MDGA2: variants seen among roughly 807,000 people sequenced by gnomAD.
MDGA2 encodes MAM domain containing glycosylphosphatidylinositol anchor 2, also known as MAM domain-containing glycosylphosphatidylinositol anchor protein 2.
A neutral mutation model predicts 117.8 loss-of-function variants in MDGA2; 40 were observed. The ratio of observed to expected loss-of-function variants is 0.34; its 90% CI spans 0.26 to 0.44. The LOEUF (loss-of-function observed/expected upper bound fraction) is 0.44, where lower values mean the gene tolerates loss of function less well. Among genes scored for constraint, MDGA2 ranks in the 20% least tolerant of loss-of-function variants. The pLI is 1.00. For missense variants in MDGA2, 1,123 were observed against 1,250.6 expected (o/e 0.90, Z 1.54); for synonymous variants, 452 against 439.0 (o/e 1.03, Z -0.37).
intron 1 of MDGA2, among the ~76,000 whole-genome samples, chr14:47,436,810 G>C (rs577136104): frequency 6.6e-6 from 1 of 152,228 alleles, no homozygotes; most frequent in Admixed American, 6.5e-5. Context: ...TTGCAATCTA[G>C]CCAGTTCATT....
intron 10 of MDGA2, among the ~76,000 whole-genome samples, chr14:46,908,414 GAT>G (rs1883578858): frequency 1.3e-5 from 2 of 152,212 alleles, no homozygotes; most frequent in African/African-American, 4.8e-5. Flanking sequence ...TGATTATTGA[GAT>G]AGAAAATTTA....
At chr14:47,673,050 CG>C (rs1422676516) in intron 1 of MDGA2, among the ~76,000 whole-genome samples, 4 of 151,876 alleles carry the variant, frequency 2.6e-5, no homozygotes. Flanking sequence ...TCCTTAGAGT[CG>C]GGAGAAAGTG....
chr14:47,601,665 A>C (rs1317046060), intron 1 of MDGA2, among the ~76,000 whole-genome samples: 2 of 152,162 alleles, frequency 1.3e-5, no homozygotes, highest in African/African-American at 4.8e-5. Context: ...AGTTGAGATA[A>C]AACTAAAATG....
chr14:47,370,326 G>T (rs1451751369), intron 1 of MDGA2, among the ~76,000 whole-genome samples: 1 of 149,968 alleles, frequency 6.7e-6, no homozygotes, highest in Non-Finnish European at 1.5e-5. Flanking sequence ...AAAAAAAGCA[G>T]ATTAAGAGAA....
At chr14:47,668,585 T>C (rs549131381) in intron 1 of MDGA2, among the ~76,000 whole-genome samples, 3 of 152,342 alleles carry the variant, frequency 2.0e-5, no homozygotes, top group African/African-American at 7.2e-5. Flanking sequence ...ATGAATGCAA[T>C]ATTTTATTGT....
At chr14:47,353,747 CA>C (rs1270678354) in intron 1 of MDGA2, among the ~76,000 whole-genome samples, 2 of 152,120 alleles carry the variant, frequency 1.3e-5, no homozygotes, top group African/African-American at 2.4e-5. Context: ...GAACTAGAAT[CA>C]ATCCTTCTCA....
At chr14:47,032,209 C>T (rs965870667) in intron 8 of MDGA2, among the ~76,000 whole-genome samples, 1 of 152,012 alleles carries the variant, frequency 6.6e-6, no homozygotes, top group Non-Finnish European at 1.5e-5. Context: ...AATGATATAA[C>T]TTAGTTTTTA....
intron 6 of MDGA2, among the ~76,000 whole-genome samples, chr14:47,087,785 T>C (rs1890958419): frequency 2.3e-5 from 3 of 127,836 alleles, no homozygotes; most frequent in African/African-American, 9.1e-5. Flanking sequence ...GGCACTGTTT[T>C]ACAACTGTAG....
At chr14:47,446,088 T>C (rs972337525) in intron 1 of MDGA2, among the ~76,000 whole-genome samples, 1 of 152,174 alleles carries the variant, frequency 6.6e-6, no homozygotes, top group African/African-American at 2.4e-5. Flanking sequence ...CCCACGCCTA[T>C]GTACAACTTT....
chr14:46,929,601 GTATATATA>G (rs756528353), intron 9 of MDGA2, among the ~76,000 whole-genome samples: 163 of 12,656 alleles, frequency 0.013, 5 homozygotes, highest in South Asian at 0.053. Context: ...GTGTGTGTGT[GTATATATA>G]TATATATATA....
rs796158826 is a variant in MDGA2 at position 47,472,801 on chromosome 14, C to T, written c.281-171251G>A. Reference sequence around the variant, plus strand: ...AAAGCCCGAGCCTCCAATTCCTCAGCTGTTGAATGGAGAAAATTATAATGA... The same window carrying T: ...AAAGCCCGAGCCTCCAATTCCTCAGTTGTTGAATGGAGAAAATTATAATGA... On this transcript the variant is annotated intron_variant, in intron 1 of 16. Coordinates refer to ENST00000399232, the MANE Select transcript of MDGA2 (RefSeq NM_001113498.3). Among the ~76,000 whole-genome samples the T allele has an allele frequency of 2.0e-5, 3 of 152,198 alleles. No individual in the cohort carries two copies. The East Asian group carries it at 5.8e-4, about 29-fold the overall frequency.
intron 1 of MDGA2, among the ~76,000 whole-genome samples, chr14:47,600,869 C>T (rs989910110): frequency 3.9e-5 from 6 of 152,132 alleles, no homozygotes; most frequent in Non-Finnish European, 8.8e-5. Context: ...GTAGGTTTCC[C>T]ATGATTTAAT....
intron 1 of MDGA2, among the ~76,000 whole-genome samples, chr14:47,567,608 G>A (rs1430779722): frequency 1.3e-5 from 2 of 152,150 alleles, no homozygotes; most frequent in Admixed American, 6.5e-5. Context: ...GCATTTGTGG[G>A]AGGGCTGAAC....
chr14:47,186,845 GGAT>G (rs1884930456), intron 3 of MDGA2, among the ~76,000 whole-genome samples: 1 of 151,750 alleles, frequency 6.6e-6, no homozygotes, highest in Admixed American at 6.6e-5. Context: ...CGATTTTCTA[GGAT>G]TATTATGTAT....
Position 47,324,742 on chromosome 14 carries a change from A to T in MDGA2, c.281-23192T>A, listed in dbSNP as rs147307141. Among the ~76,000 whole-genome samples, 549 of 152,266 alleles carry T rather than the reference A, an allele frequency of 3.6e-3. 2 individuals carry two copies. The highest frequency in any genetic ancestry group is 0.013 in the African/African-American group (525 of 41,568). On this transcript the variant is annotated intron_variant, in intron 1 of 16. Transcript: ENST00000399232. The stretch of plus-strand genomic sequence containing the variant: ...TTATAAATGGTTTTAAAATTTAAAC[A>T]TGCAAGAGGTTTTCTTGATTTCTAT...
At chr14:47,580,033 G>A (rs991377187) in intron 1 of MDGA2, among the ~76,000 whole-genome samples, 1 of 151,974 alleles carries the variant, frequency 6.6e-6, no homozygotes, top group African/African-American at 2.4e-5. Context: ...CAAAGAGATT[G>A]TTTTTCTTTG....
intron 1 of MDGA2, among the ~76,000 whole-genome samples, chr14:47,468,710 T>G (rs559570388): frequency 1.3e-5 from 2 of 152,094 alleles, no homozygotes; most frequent in Non-Finnish European, 2.9e-5. Flanking sequence ...AAATCAAGCT[T>G]AAACCAGTGA....
intron 1 of MDGA2, among the ~76,000 whole-genome samples, chr14:47,605,754 A>T (rs1305127020): frequency 6.6e-6 from 1 of 152,172 alleles, no homozygotes; most frequent in Non-Finnish European, 1.5e-5. Context: ...ACAAAAGGCA[A>T]ATTTGATTTT....
intron 1 of MDGA2, among the ~76,000 whole-genome samples, chr14:47,464,205 T>C (rs4900766): frequency 0.32 from 48,025 of 151,340 alleles, 8,095 homozygotes; most frequent in East Asian, 0.58. Flanking sequence ...GGACCTGAGA[T>C]GGACCAAAGG....
Sources: gnomAD v4.1 joint callset for allele counts (sites outside exome capture counted in the v4.1 genomes callset) on GRCh38, gnomAD v4.1.1 for gene constraint, MANE v1.5 for transcripts, NCBI Gene and HGNC (gene_info 2026-07-23, HGNC 2026-07-21) for gene names.